DOCK3: variants seen among roughly 807,000 people sequenced by gnomAD.
DOCK3 encodes the protein dedicator of cytokinesis 3.
A neutral mutation model predicts 265.6 loss-of-function variants in DOCK3; 60 were observed. That is an observed-to-expected ratio of 0.23 (90% confidence interval 0.18 to 0.28). DOCK3 has a LOEUF of 0.28. Among genes scored for constraint, DOCK3 ranks in the 10% least tolerant of loss-of-function variants. DOCK3 has a pLI of 1.00. For missense variants in DOCK3, 1,981 were observed against 2,594.3 expected (o/e 0.76, Z 5.14); for synonymous variants, 881 against 938.0 (o/e 0.94, Z 1.11).
chr3:51,016,542 T>TG (rs2079257574), intron 5 of DOCK3, among the ~76,000 whole-genome samples: 1 of 18,056 alleles, frequency 5.5e-5, no homozygotes, highest in Non-Finnish European at 7.7e-5. Context: ...ATATGATATA[T>TG]ATATTTATAT....
In DOCK3 at chr3:51,356,151, G is replaced by A; in HGVS notation, c.4312G>A (p.Val1438Ile). Residue 1438 changes from valine to isoleucine, a missense_variant, in exon 42 of 53, where the codon GTA becomes ATA. Val to Ile is a conservative substitution (Grantham distance 29, BLOSUM62 3). This residue lies in a region of DOCK3 where 1,357 missense variants were observed against 1,866.8 expected (regional missense o/e 0.73). Coordinates refer to ENST00000266037, the MANE Select transcript of DOCK3 (RefSeq NM_004947.5). The stretch of plus-strand genomic sequence containing the variant: ...TGTGGATGTTCTGCAGATGGATAGG[G>A]TACCAGATCGAGTCAAGAGCTTCTA... ...DYVDVLQMDR[V>I]PDRVKSFYRV... 1.2e-6 allele frequency: 2 copies of A among 1,613,976 alleles called. No homozygotes were observed. Among genetic ancestry groups the A allele is most frequent in the South Asian group, 1.1e-5 (1 of 91,090 alleles).
At chr3:51,344,232 A>G (rs1016976683) in intron 38 of DOCK3, among the ~76,000 whole-genome samples, 4 of 152,236 alleles carry the variant, frequency 2.6e-5, no homozygotes, top group Admixed American at 2.6e-4. Flanking sequence ...CAGGTGGCCC[A>G]TGCTTTTCCC....
chr3:50,936,697 G>A (rs559978044), intron 5 of DOCK3, among the ~76,000 whole-genome samples: 30 of 152,246 alleles, frequency 2.0e-4, no homozygotes, highest in Non-Finnish European at 3.5e-4. Context: ...CCTGAATTGT[G>A]TATGCAGCAA....
chr3:50,981,272 A>T (rs2077678310), intron 5 of DOCK3, among the ~76,000 whole-genome samples: 2 of 152,144 alleles, frequency 1.3e-5, no homozygotes, highest in Admixed American at 1.3e-4. Flanking sequence ...CTTGTTATTG[A>T]TTTCTAGTTT....
At chr3:50,922,755 C>CTTTTTTTTTTTTTTTTT (rs34981827) in intron 4 of DOCK3, among the ~76,000 whole-genome samples, 1 of 141,072 alleles carries the variant, frequency 7.1e-6, no homozygotes, top group Non-Finnish European at 1.5e-5. Flanking sequence ...TATTTTTAGT[C>CTTTTTTTTTTTTTTTTT]TTTTTTTTTT....
chr3:51,257,088 G>C (rs1162195552), intron 22 of DOCK3, among the ~76,000 whole-genome samples: 1 of 152,180 alleles, frequency 6.6e-6, no homozygotes, highest in Non-Finnish European at 1.5e-5. Context: ...ATAAGGTTTG[G>C]GTAGGGAGAA....
chr3:51,348,895 A>G lies in DOCK3; in HGVS notation c.3959A>G (p.Gln1320Arg). 3.8e-6 allele frequency: 6 copies of G among 1,585,348 alleles called. No individual in the cohort carries two copies. Among genetic ancestry groups the G allele is most frequent in the Non-Finnish European group, 5.1e-6 (6 of 1,165,592 alleles). ...CCACTGTGCAGGGAGCTGGCGTGTC[A>G]GTACGAGAGCCTCTATGATTACCAG... Reference protein sequence around the residue: ...GIPLCRELACQYESLYDYQSL... With the variant: ...GIPLCRELACRYESLYDYQSL... The change falls in exon 39 of 53, where the codon CAG becomes CGG. Residue 1320 changes from glutamine (Q) to arginine (R), a missense_variant. Gln to Arg is a conservative substitution (Grantham distance 43). Transcript: ENST00000266037.
intron 32 of DOCK3, among the ~76,000 whole-genome samples, chr3:51,324,869 G>A (rs946717321): frequency 6.6e-6 from 1 of 152,184 alleles, no homozygotes; most frequent in African/African-American, 2.4e-5. Flanking sequence ...GCCATATGCA[G>A]AAAGCTGAAA....
rs1183208339 is a variant in DOCK3, at chr3:51,192,647, G to T, written c.1038-16127G>T. On this transcript the variant is annotated intron_variant, in intron 12 of 52. Coordinates refer to ENST00000266037, the MANE Select transcript of DOCK3 (RefSeq NM_004947.5). The stretch of plus-strand genomic sequence containing the variant: ...GGAAGTCTGCTAGCTAACTCAGGCA[G>T]CAGTCACAGGTTGAGAGAAGCTCCC... Among the ~76,000 whole-genome samples the T allele has an allele frequency of 3.9e-5, 6 of 152,138 alleles. No homozygotes were observed. In the East Asian group the frequency reaches 1.2e-3, roughly 30 times the overall value.
intron 1 of DOCK3, among the ~76,000 whole-genome samples, chr3:50,770,314 A>C (rs542909744): frequency 6.6e-6 from 1 of 152,314 alleles, no homozygotes; most frequent in East Asian, 1.9e-4. Flanking sequence ...AGATTGAACA[A>C]TCTTAGAAAG....
rs79442332 is a variant in DOCK3, at chr3:51,175,508, G to A, written c.1037+14806G>A. Among the ~76,000 whole-genome samples the A allele has an allele frequency of 3.6e-3, 549 of 152,250 alleles. 6 individuals are homozygous for A. Among genetic ancestry groups the A allele is most frequent in the African/African-American group, 0.013 (522 of 41,546 alleles). On this transcript the variant is annotated intron_variant, in intron 12 of 52. Coordinates refer to ENST00000266037, the MANE Select transcript of DOCK3 (RefSeq NM_004947.5). ...CAGAACTATGCCTGGACTGTGGCTG[G>A]GAAAAGCTGGAGCCAGGTTACAAGG...
chr3:51,102,963 G>T (rs560920648), intron 9 of DOCK3, among the ~76,000 whole-genome samples: 1 of 152,254 alleles, frequency 6.6e-6, no homozygotes, highest in African/African-American at 2.4e-5. Context: ...CTTGGAAATA[G>T]ATTCTGCCAG....
chr3:51,379,630 C>T, intron 51 of DOCK3: 1 of 985,352 alleles, frequency 1.0e-6, no homozygotes, highest in Non-Finnish European at 1.2e-6. Flanking sequence ...TGCTCAAGGG[C>T]CACAGCAACA....
intron 1 of DOCK3, among the ~76,000 whole-genome samples, chr3:50,694,058 C>G (rs1227059187): frequency 6.6e-6 from 1 of 151,820 alleles, no homozygotes; most frequent in Non-Finnish European, 1.5e-5. Context: ...CACCTGAGGT[C>G]AGGAGTTTCA....
Position 51,356,355 on chromosome 3 carries a change from G to C in DOCK3, c.4417-52G>C, listed in dbSNP as rs550207625. ...ACTGTTTTATCCCTCAGGTAGGCAG[G>C]GTGTGGCAAAACTTGCCTAACTGCC... On this transcript the variant is annotated intron_variant, in intron 42 of 52. Coordinates refer to ENST00000266037, the MANE Select transcript of DOCK3 (RefSeq NM_004947.5). The C allele has an allele frequency of 6.8e-6, 11 of 1,612,500 alleles. No individual in the cohort carries two copies. In the East Asian group the frequency reaches 2.0e-4, roughly 29 times the overall value.
chr3:51,356,956 C>A lies in DOCK3; in HGVS notation c.4504-6C>A. On this transcript the variant is annotated splice_polypyrimidine_tract_variant and splice_region_variant and intron_variant, in intron 43 of 52. Coordinates refer to ENST00000266037, the MANE Select transcript of DOCK3 (RefSeq NM_004947.5). The stretch of plus-strand genomic sequence containing the variant: ...TGGGATGACTCTGTGTGCTGTGTGC[C>A]CCTAGGTGGAGGTGAGCCCTCTGGA... 6.2e-7 allele frequency: 1 copy of A among 1,609,624 alleles called. No homozygotes were observed. The highest frequency in any genetic ancestry group is 8.5e-7 in the Non-Finnish European group (1 of 1,177,930).
intron 7 of DOCK3, among the ~76,000 whole-genome samples, chr3:51,078,869 G>A (rs2082136568): frequency 6.6e-6 from 1 of 152,098 alleles, no homozygotes; most frequent in African/African-American, 2.4e-5. Context: ...AAGGGATTCT[G>A]ACACAATGAA....
At chr3:51,102,678 C>T (rs184711700) in intron 9 of DOCK3, among the ~76,000 whole-genome samples, 6 of 152,236 alleles carry the variant, frequency 3.9e-5, no homozygotes, top group South Asian at 2.1e-4. Flanking sequence ...AGCCCTGAGA[C>T]GAGATGGCTC....
chr3:51,380,964 A>G, intron 52 of DOCK3, 86 bp from the exon 53 acceptor site: 2 of 1,475,392 alleles, frequency 1.4e-6, no homozygotes, highest in Non-Finnish European at 1.8e-6. Context: ...AAGTTCATTC[A>G]TAAGCAGGCT....
Sources: gnomAD v4.1 joint callset for allele counts (sites outside exome capture counted in the v4.1 genomes callset) on GRCh38, gnomAD v4.1.1 for gene constraint, gnomAD v4.1.1 regional missense constraint, MANE v1.5 for transcripts, NCBI Gene and HGNC (gene_info 2026-07-23, HGNC 2026-07-21) for gene names.